Variants in OSBPL8 observed in about 807,000 individuals in gnomAD.
OSBPL8 encodes the protein oxysterol-binding protein-related protein 8.
A neutral mutation model predicts 125.5 loss-of-function variants in OSBPL8; 59 were observed. That is an observed-to-expected ratio of 0.47 (90% CI 0.38 to 0.58). The LOEUF is 0.58. Ranked by LOEUF, OSBPL8 falls within the 20% of genes least tolerant of loss-of-function variation. The pLI is 0.00. For missense variants in OSBPL8, 758 were observed against 1,047.8 expected, an observed-to-expected ratio of 0.72 and a Z score of 3.82; for synonymous variants, 330 against 338.9, an observed-to-expected ratio of 0.97 and a Z score of 0.29.
At chr12:76,451,340 A>C (rs1416332165) in intron 3 of OSBPL8, among the ~76,000 whole-genome samples, 6 of 93,390 alleles carry the variant, frequency 6.4e-5, no homozygotes, top group African/African-American at 1.4e-4. Flanking sequence ...GTCATTTCCC[A>C]AAAAAAAAAA....
chr12:76,500,980 T>C (rs1879839624), intron 1 of OSBPL8, among the ~76,000 whole-genome samples: 1 of 152,226 alleles, frequency 6.6e-6, no homozygotes, highest in African/African-American at 2.4e-5. Flanking sequence ...TGCCCTTTTA[T>C]CTGCCAGGTC....
intron 5 of OSBPL8, among the ~76,000 whole-genome samples, chr12:76,403,891 A>C (rs537312158): frequency 1.3e-5 from 2 of 152,220 alleles, no homozygotes; most frequent in Non-Finnish European, 2.9e-5. Flanking sequence ...TCACCCGAAG[A>C]AAAGAATGAA....
chr12:76,501,397 GAGA>G lies in OSBPL8; in HGVS notation c.-67-13782_-67-13780del, dbSNP rs554044740. Among the ~76,000 whole-genome samples, 4 of 152,290 alleles carry G rather than the reference GAGA, an allele frequency of 2.6e-5. No individual in the cohort carries two copies. In the South Asian group the frequency reaches 8.3e-4, roughly 32 times the overall value. ...GAAGGAAAATAGAAGGGAGAGGGGA[GAGA>G]AGAAAAGGAGAATATGTAACAGAGA... On this transcript the variant is annotated intron_variant, in intron 1 of 23. Coordinates refer to ENST00000261183, the MANE Select transcript of OSBPL8 (RefSeq NM_020841.5).
At chr12:76,475,515 T>C (rs1447199138) in intron 2 of OSBPL8, among the ~76,000 whole-genome samples, 1 of 152,224 alleles carries the variant, frequency 6.6e-6, no homozygotes, top group Non-Finnish European at 1.5e-5. Context: ...AAACTGTGTA[T>C]CACATGTGAC....
chr12:76,432,303 TG>T (rs1870926841), intron 4 of OSBPL8, among the ~76,000 whole-genome samples: 1 of 152,158 alleles, frequency 6.6e-6, no homozygotes, highest in Non-Finnish European at 1.5e-5. Flanking sequence ...AGGAATACAC[TG>T]GCTGGGTACA....
intron 1 of OSBPL8, among the ~76,000 whole-genome samples, chr12:76,514,086 C>CA (rs1454857307): frequency 6.6e-6 from 1 of 152,036 alleles, no homozygotes; most frequent in Non-Finnish European, 1.5e-5. Context: ...GTGCTCCTTT[C>CA]AAGATCTCTT....
chr12:76,369,040 A>T (rs909468964), intron 21 of OSBPL8, among the ~76,000 whole-genome samples, 174 bp downstream of exon 21: 2 of 152,108 alleles, frequency 1.3e-5, no homozygotes, highest in Admixed American at 6.6e-5. Context: ...TGGCAAATTG[A>T]GTTGACAGTT....
In OSBPL8 at chr12:76,386,493, CTG is replaced by C. The variant is rs778418012; in HGVS notation, c.1434+84_1434+85del. On this transcript the variant is annotated intron_variant, in intron 13 of 23. Coordinates refer to ENST00000261183, the MANE Select transcript of OSBPL8 (RefSeq NM_020841.5). The stretch of plus-strand genomic sequence containing the variant: ...ACGTCAAAGAAGCCCAGTAATGTAA[CTG>C]TTAACACACAATCTACAGATTACAT... The C allele has an allele frequency of 4.4e-5, 59 of 1,349,948 alleles. No individual in the cohort carries two copies. In the African/African-American group the frequency reaches 7.5e-4, roughly 17 times the overall value. 83.6% of individuals were successfully genotyped at this position (1,349,948 alleles called of 1,614,324 possible).
intron 4 of OSBPL8, among the ~76,000 whole-genome samples, chr12:76,414,450 G>GTTTTT (rs35085467): frequency 8.3e-6 from 1 of 120,492 alleles, no homozygotes; most frequent in Non-Finnish European, 1.7e-5. Flanking sequence ...TATTTTTCTG[G>GTTTTT]TTTTTTTTTT....
chr12:76,545,858 G>A (rs1950768544), intron 1 of OSBPL8, among the ~76,000 whole-genome samples: 1 of 152,122 alleles, frequency 6.6e-6, no homozygotes, highest in Non-Finnish European at 1.5e-5. Context: ...TATATTGAAA[G>A]CCTGTTCCTA....
intron 1 of OSBPL8, among the ~76,000 whole-genome samples, chr12:76,526,635 C>CTTTTTTTTTTTTTTTTTTTT (rs573409160): frequency 1.6e-5 from 1 of 64,246 alleles, no homozygotes; most frequent in African/African-American, 5.3e-5. Flanking sequence ...CAGTAAATCT[C>CTTTTTTTTTTTTTTTTTTTT]TTTTTTTTTT....
intron 5 of OSBPL8, among the ~76,000 whole-genome samples, chr12:76,404,402 T>C (rs1465441887): frequency 1.3e-5 from 2 of 152,194 alleles, no homozygotes; most frequent in African/African-American, 4.8e-5. Context: ...ACATTCATGG[T>C]TGTTTACTAT....
In OSBPL8 at chr12:76,408,286, C is replaced by T. The variant is rs1405140098; in HGVS notation, c.288+2278G>A. Reference sequence around the variant, plus strand: ...ACCATCCTGGCTAACACGGTGAAACCCTGTCTCTACTAAAAATACAAAAAA... The same window carrying T: ...ACCATCCTGGCTAACACGGTGAAACTCTGTCTCTACTAAAAATACAAAAAA... On this transcript the variant is annotated intron_variant, in intron 5 of 23. Transcript: ENST00000261183. Among the ~76,000 whole-genome samples, 5 of 151,078 alleles carry T rather than the reference C, an allele frequency of 3.3e-5. No individual in the cohort carries two copies. In the East Asian group the frequency reaches 7.8e-4, roughly 24 times the overall value.
chr12:76,464,936 T>C (rs1875219429), intron 2 of OSBPL8, among the ~76,000 whole-genome samples: 1 of 152,200 alleles, frequency 6.6e-6, no homozygotes, highest in African/African-American at 2.4e-5. Flanking sequence ...TTTAGCGTTA[T>C]CATAGGCCCT....
chr12:76,461,848 TC>T lies in OSBPL8; in HGVS notation c.43-1954del, dbSNP rs537493324. On this transcript the variant is annotated intron_variant, in intron 2 of 23. Coordinates refer to ENST00000261183, the MANE Select transcript of OSBPL8 (RefSeq NM_020841.5). ...TAGCTAAGCTACTCTTGGATTTTGA[TC>T]CACGGAAATCTGAGATAATAAATGC... Among the ~76,000 whole-genome samples, 273 of 152,304 alleles carry T rather than the reference TC, an allele frequency of 1.8e-3. 1 individual carries two copies. Among genetic ancestry groups the T allele is most frequent in the Admixed American group, 4.0e-3 (61 of 15,302 alleles).
At chr12:76,386,351 T>A (rs1365827174) in intron 13 of OSBPL8, 85 bp from the exon 14 acceptor site, 1 of 1,471,588 alleles carries the variant, frequency 6.8e-7, no homozygotes, top group Non-Finnish European at 9.0e-7. Flanking sequence ...GGTTTAACTC[T>A]ACCATCTGGG....
chr12:76,420,930 T>C (rs1869396992), intron 4 of OSBPL8, among the ~76,000 whole-genome samples: 1 of 152,060 alleles, frequency 6.6e-6, no homozygotes, highest in Admixed American at 6.5e-5. Context: ...TTTCAAGAAT[T>C]AGAAAACAAA....
chr12:76,366,107 G>A (rs1410178941), intron 21 of OSBPL8, among the ~76,000 whole-genome samples: 2 of 152,202 alleles, frequency 1.3e-5, no homozygotes, highest in Non-Finnish European at 2.9e-5. Flanking sequence ...CAGAGAATAA[G>A]TTAGGAAATG....
Position 76,369,788 on chromosome 12 carries a change from T to C in OSBPL8, c.2089A>G (p.Lys697Glu). The C allele has an allele frequency of 6.2e-7, 1 of 1,613,496 alleles. No individual in the cohort carries two copies. Among genetic ancestry groups the C allele is most frequent in the Non-Finnish European group, 8.5e-7 (1 of 1,179,654 alleles). The change falls in exon 20 of 24, where the codon AAA (lysine) becomes GAA (glutamate). Residue 697 changes from lysine (K) to glutamate (E), a missense_variant. By Grantham distance (56) the Lys-to-Glu change is moderately conservative. Around this residue, in one of 3 missense-constraint regions of OSBPL8, gnomAD observed 572 missense variants for 762.0 expected, o/e 0.75. Transcript: ENST00000261183. Reference sequence around the variant, plus strand: ...TCTTGGGTAGCTTCAGTTTGGTCTTTGGCATTTATGGCTCGAGTTACCCGT... The same window carrying C: ...TCTTGGGTAGCTTCAGTTTGGTCTTCGGCATTTATGGCTCGAGTTACCCGT... ...WQRVTRAINAKDQTEATQEKY... is the reference protein window; with the variant it reads ...WQRVTRAINAEDQTEATQEKY...
Sources: allele counts gnomAD v4.1 joint callset (sites outside exome capture counted in the v4.1 genomes callset), GRCh38; gene constraint gnomAD v4.1.1; regional missense constraint gnomAD v4.1.1; transcripts MANE v1.5; gene names NCBI Gene and HGNC (gene_info 2026-07-23, HGNC 2026-07-21).